Variants in LRRC37A2 observed in about 807,000 individuals in gnomAD.
The protein encoded by LRRC37A2 is leucine rich repeat containing 37 member A2.
A neutral mutation model predicts 68.8 loss-of-function variants in LRRC37A2; 9 were observed. That is an observed-to-expected ratio of 0.13 (90% CI 0.08 to 0.23). The LOEUF (loss-of-function observed/expected upper bound fraction) is 0.23. LRRC37A2 is among the 10% of genes least tolerant of loss of function. The pLI, the probability that LRRC37A2 is intolerant of heterozygous loss-of-function variation, is 1.00. For synonymous variants in LRRC37A2, 63 were observed against 367.6 expected (o/e 0.17, Z 9.48); for missense variants, 168 against 950.4 (o/e 0.18, Z 10.82).
At chr17:46,910,825 A>G in the LRRC37A2 span, among the ~76,000 whole-genome samples, 1 of 152,200 alleles carries the variant, frequency 6.6e-6, no homozygotes, top group Non-Finnish European at 1.5e-5. Flanking sequence ...CCAGCATAGG[A>G]TCCATGACTT....
At chr17:46,893,834 A>G in the LRRC37A2 span, among the ~76,000 whole-genome samples, 2 of 152,164 alleles carry the variant, frequency 1.3e-5, no homozygotes, top group African/African-American at 4.8e-5. Flanking sequence ...GGAAAAAGCC[A>G]AGGTGGCCAG....
At chr17:47,020,899 G>A in the LRRC37A2 span, among the ~76,000 whole-genome samples, 1 of 151,002 alleles carries the variant, frequency 6.6e-6, no homozygotes, top group African/African-American at 2.4e-5. Context: ...GAATTTGCCA[G>A]AATCTGTGAT....
At chr17:46,737,908 A>ATAC in the LRRC37A2 span, among the ~76,000 whole-genome samples, 1 of 145,870 alleles carries the variant, frequency 6.9e-6, no homozygotes, top group East Asian at 2.2e-4. Flanking sequence ...TAAAATTAGC[A>ATAC]TATTATTATT....
At chr17:46,925,821 C>T in the LRRC37A2 span, among the ~76,000 whole-genome samples, 2,493 of 152,280 alleles carry the variant, frequency 0.016, 77 homozygotes, top group Admixed American at 0.069. Flanking sequence ...TACTTGAAAA[C>T]TCCTGAACCT....
the LRRC37A2 span, chr17:46,728,916 GA>G: frequency 6.2e-6 from 10 of 1,604,496 alleles, no homozygotes; most frequent in Admixed American, 3.4e-5. Context: ...TCGTTTTACT[GA>G]AAAAGGCACC....
At chr17:46,869,868 G>A in the LRRC37A2 span, among the ~76,000 whole-genome samples, 6 of 151,888 alleles carry the variant, frequency 4.0e-5, no homozygotes, top group South Asian at 2.1e-4. Flanking sequence ...GGATGGTGGC[G>A]CACACCTGTA....
the LRRC37A2 span, among the ~76,000 whole-genome samples, chr17:47,004,881 A>G: frequency 6.6e-6 from 1 of 152,210 alleles, no homozygotes; most frequent in Non-Finnish European, 1.5e-5. Context: ...ACTGTAAGAC[A>G]ATCAGTCATA....
chr17:46,794,831 A>C, the LRRC37A2 span, among the ~76,000 whole-genome samples: 1 of 149,414 alleles, frequency 6.7e-6, no homozygotes, highest in African/African-American at 2.5e-5. Flanking sequence ...GCTCACTGCA[A>C]CCTGCACCTC....
the LRRC37A2 span, among the ~76,000 whole-genome samples, chr17:46,960,419 A>G: frequency 9.9e-5 from 15 of 152,218 alleles, no homozygotes; most frequent in African/African-American, 3.6e-4. Flanking sequence ...GCAAAATGGA[A>G]CAGCCACTAT....
chr17:46,883,103 C>T, the LRRC37A2 span, among the ~76,000 whole-genome samples: 1 of 151,254 alleles, frequency 6.6e-6, no homozygotes, highest in African/African-American at 2.4e-5. Flanking sequence ...CTCAGCCTCC[C>T]GAGTAGCTGG....
At chr17:46,901,167 A>G in the LRRC37A2 span, among the ~76,000 whole-genome samples, 9 of 151,760 alleles carry the variant, frequency 5.9e-5, no homozygotes, top group Non-Finnish European at 1.3e-4. Context: ...TTATTTTATT[A>G]TTATTATTTT....
the LRRC37A2 span, among the ~76,000 whole-genome samples, chr17:46,787,617 G>A: frequency 2.6e-5 from 4 of 152,316 alleles, no homozygotes; most frequent in Admixed American, 1.3e-4. Flanking sequence ...TCTGAAGGCT[G>A]GGCCTCATTC....
the LRRC37A2 span, chr17:46,939,697 G>A: frequency 3.0e-6 from 3 of 985,544 alleles, no homozygotes; most frequent in African/African-American, 5.2e-5. Context: ...TGCCCAGCCA[G>A]TGTGGGCAGA....
chr17:46,575,156 C>A, the LRRC37A2 span, among the ~76,000 whole-genome samples: 6 of 107,368 alleles, frequency 5.6e-5, no homozygotes, highest in Admixed American at 4.8e-4. Flanking sequence ...ATATTCAGAA[C>A]AGAACAGTAG....
At chr17:46,767,697 TTTGATCTGGC>T in the LRRC37A2 span, among the ~76,000 whole-genome samples, 1 of 152,228 alleles carries the variant, frequency 6.6e-6, no homozygotes, top group African/African-American at 2.4e-5. Context: ...TATGCAAAAA[TTTGATCTGGC>T]TCATAACTAA....
the LRRC37A2 span, chr17:46,751,628 C>G: frequency 6.5e-7 from 1 of 1,541,040 alleles, no homozygotes; most frequent in East Asian, 2.2e-5. Context: ...TAAGGTACTT[C>G]GTTCTCCGTA....
At chr17:46,894,332 C>T in the LRRC37A2 span, among the ~76,000 whole-genome samples, 3 of 152,204 alleles carry the variant, frequency 2.0e-5, no homozygotes. Flanking sequence ...GGGCCTTGGG[C>T]TCTTGCTCTG....
At chr17:46,779,103 A>ACACCCCCC in the LRRC37A2 span, among the ~76,000 whole-genome samples, 30 of 133,654 alleles carry the variant, frequency 2.2e-4, no homozygotes, top group East Asian at 3.1e-3. Context: ...ACACACACAC[A>ACACCCCCC]CCCCAGCCCA....
chr17:46,939,008 A>T, the LRRC37A2 span: 2 of 1,336,926 alleles, frequency 1.5e-6, no homozygotes, highest in South Asian at 1.4e-5. Context: ...TGTCTCTCTC[A>T]CTCTCGCTCT....
Sources: gnomAD v4.1 joint callset for allele counts (sites outside exome capture counted in the v4.1 genomes callset) on GRCh38, gnomAD v4.1.1 for gene constraint, MANE v1.5 for transcripts, NCBI Gene and HGNC (gene_info 2026-07-23, HGNC 2026-07-21) for gene names.